Variants in DRC4 observed in about 807,000 individuals in gnomAD.
The protein encoded by DRC4 is dynein regulatory complex subunit 4.
the DRC4 span, chr16:90,044,005 C>A: frequency 2.3e-6 from 1 of 427,076 alleles, no homozygotes; most frequent in Non-Finnish European, 4.8e-6. Flanking sequence ...ATGGAGAGGC[C>A]AGGAGAGAGT....
the DRC4 span, among the ~76,000 whole-genome samples, chr16:90,021,418 C>CT: frequency 0.13 from 19,079 of 148,042 alleles, 2,156 homozygotes; most frequent in East Asian, 0.62. Flanking sequence ...AAGACCTTTT[C>CT]TTTTTTTTTT....
At chr16:90,028,049 T>TA in the DRC4 span, 1 of 259,822 alleles carries the variant, frequency 3.8e-6, no homozygotes, top group Non-Finnish European at 7.3e-6. Context: ...TGTATAGACT[T>TA]ATCGTAGAAC....
the DRC4 span, among the ~76,000 whole-genome samples, chr16:90,030,936 G>A: frequency 2.6e-5 from 4 of 152,138 alleles, no homozygotes; most frequent in African/African-American, 9.7e-5. Flanking sequence ...TGTTTAAACT[G>A]GTCTTAGGTT....
the DRC4 span, chr16:90,032,676 G>C: frequency 6.3e-7 from 1 of 1,587,192 alleles, no homozygotes; most frequent in South Asian, 1.1e-5. Context: ...AGGTGAGGAG[G>C]TGTGGTGCAG....
the DRC4 span, among the ~76,000 whole-genome samples, chr16:90,025,843 G>C: frequency 2.1e-5 from 3 of 145,452 alleles, no homozygotes; most frequent in Non-Finnish European, 4.5e-5. Flanking sequence ...AGCCAAGGCA[G>C]CCTGGATGAC....
At chr16:90,036,832 T>A in the DRC4 span, 6 of 640,326 alleles carry the variant, frequency 9.4e-6, no homozygotes, top group South Asian at 1.0e-4. Context: ...AGTAATGAAG[T>A]GTGTTCTGGT....
chr16:90,030,735 G>C, the DRC4 span, among the ~76,000 whole-genome samples: 41 of 152,030 alleles, frequency 2.7e-4, no homozygotes, highest in Admixed American at 2.6e-3. Context: ...TCCCACCTCA[G>C]CTCTCCCAGT....
the DRC4 span, chr16:90,042,621 T>C: frequency 2.7e-6 from 3 of 1,119,632 alleles, no homozygotes; most frequent in Non-Finnish European, 4.0e-6. Context: ...GGACCCCACC[T>C]GTGCCCACTT....
the DRC4 span, chr16:90,036,454 C>G: frequency 6.2e-7 from 1 of 1,614,158 alleles, no homozygotes; most frequent in Non-Finnish European, 8.5e-7. Context: ...AGACTGAGCT[C>G]CACGAAGTGG....
the DRC4 span, chr16:90,043,591 C>A: frequency 9.9e-6 from 6 of 607,482 alleles, no homozygotes; most frequent in East Asian, 3.1e-5. Flanking sequence ...AGGCCTACTC[C>A]CTGGTCTCAC....
the DRC4 span, chr16:90,042,409 C>T: frequency 2.1e-6 from 3 of 1,458,732 alleles, no homozygotes; most frequent in Non-Finnish European, 2.9e-6. Context: ...AGTCCCCAGG[C>T]CGCTCCCGTT....
the DRC4 span, chr16:90,031,102 A>T: frequency 7.9e-7 from 1 of 1,263,072 alleles, no homozygotes; most frequent in Non-Finnish European, 1.1e-6. Context: ...CAAATTGAAG[A>T]GAATTCTGCC....
chr16:90,024,105 C>T, the DRC4 span, among the ~76,000 whole-genome samples: 11 of 135,350 alleles, frequency 8.1e-5, no homozygotes, highest in African/African-American at 2.4e-4. Flanking sequence ...CATGGTGAAA[C>T]CCTGTCTTTA....
chr16:90,037,604 G>A, the DRC4 span, among the ~76,000 whole-genome samples: 714 of 152,314 alleles, frequency 4.7e-3, 4 homozygotes, highest in African/African-American at 0.016. Flanking sequence ...TTCACCACGT[G>A]CTACCGGCCG....
chr16:90,034,125 TG>T, the DRC4 span, among the ~76,000 whole-genome samples: 6 of 152,120 alleles, frequency 3.9e-5, no homozygotes, highest in African/African-American at 1.4e-4. Context: ...TCCTGGCTGC[TG>T]GGTTGAGGAG....
chr16:90,040,434 G>A, the DRC4 span: 1 of 1,612,262 alleles, frequency 6.2e-7, no homozygotes, highest in Non-Finnish European at 8.5e-7. Context: ...AGAAGAAGGA[G>A]GTGCAGTTCA....
At chr16:90,023,759 C>T in the DRC4 span, among the ~76,000 whole-genome samples, 9 of 150,844 alleles carry the variant, frequency 6.0e-5, no homozygotes, top group African/African-American at 1.9e-4. Flanking sequence ...TTTGGGAGGC[C>T]GAGGCAGGCG....
the DRC4 span, chr16:90,027,762 T>A: frequency 6.5e-7 from 1 of 1,537,992 alleles, no homozygotes; most frequent in Non-Finnish European, 9.0e-7. Flanking sequence ...CGGGTGGGCG[T>A]GGGCGGGCAC....
the DRC4 span, chr16:90,043,565 CGTCCAGCCTGT>C: frequency 8.3e-6 from 5 of 599,340 alleles, no homozygotes; most frequent in Admixed American, 2.6e-5. Flanking sequence ...GGGTGCCGCA[CGTCCAGCCTGT>C]GTCCAGGCCT....
Sources: allele counts gnomAD v4.1 joint callset (sites outside exome capture counted in the v4.1 genomes callset), GRCh38; gene constraint gnomAD v4.1.1; transcripts MANE v1.5; gene names NCBI Gene and HGNC (gene_info 2026-07-23, HGNC 2026-07-21).